Variants in N4BP2L2 observed in about 807,000 individuals in gnomAD.
N4BP2L2 encodes the protein NEDD4-binding protein 2-like 2.
In N4BP2L2, 50 loss-of-function variants were observed where a neutral mutation model predicts 56.2. The observed-to-expected ratio is 0.89, with a 90% CI of 0.71 to 1.13. N4BP2L2 has a LOEUF of 1.13. Ranked by LOEUF, N4BP2L2 falls within the 50% of genes most tolerant of loss-of-function variation. N4BP2L2 has a pLI of 0.00. For synonymous variants in N4BP2L2, 203 were observed against 223.6 expected, an observed-to-expected ratio of 0.91 and a Z score of 0.82; for missense variants, 689 against 693.8, an observed-to-expected ratio of 0.99 and a Z score of 0.08.
rs2138532541 is a variant in N4BP2L2 at position 32,453,417 on chromosome 13, G to A, written c.366-9291C>T. On this transcript the variant is annotated intron_variant, in intron 6 of 9. Coordinates refer to the N4BP2L2 transcript ENST00000357505. ...ACAGATCAAGGGTTTACAGCAACCGGGCAAAATGTTTAATCAAGAGAAAAA... is the reference window on the plus strand; with the variant it reads ...ACAGATCAAGGGTTTACAGCAACCGAGCAAAATGTTTAATCAAGAGAAAAA... Among the ~76,000 whole-genome samples the A allele has an allele frequency of 1.3e-5, 2 of 152,044 alleles. 1 individual carries two copies. Among genetic ancestry groups the A allele is most frequent in the South Asian group, 4.2e-4 (2 of 4,812 alleles).
chr13:32,450,636 GT>G (rs71071044), intron 6 of N4BP2L2, among the ~76,000 whole-genome samples: 108,566 of 147,920 alleles, frequency 0.73, 40,481 homozygotes, highest in African/African-American at 0.89. Flanking sequence ...TTTTGTTTTT[GT>G]TTTTTTTTTA....
intron 6 of N4BP2L2, among the ~76,000 whole-genome samples, chr13:32,455,653 C>A (rs73460533): frequency 0.011 from 1,622 of 152,318 alleles, 39 homozygotes; most frequent in African/African-American, 0.036. Context: ...CCCACTACAG[C>A]TGGTGCCTCA....
At chr13:32,480,565 T>C in intron 6 of N4BP2L2, 5 of 1,206,718 alleles carry the variant, frequency 4.1e-6, no homozygotes, top group Non-Finnish European at 5.5e-6. Context: ...ATCCATTATA[T>C]CATTACTTGG....
downstream of N4BP2L2, among the ~76,000 whole-genome samples, chr13:32,509,780 CA>C (rs2091482805): frequency 6.6e-6 from 1 of 152,066 alleles, no homozygotes; most frequent in African/African-American, 2.4e-5. Context: ...TTCATAAAAC[CA>C]ATGACATTTC....
At chr13:32,493,318 CTATT>C (rs1047309735) in intron 6 of N4BP2L2, among the ~76,000 whole-genome samples, 170 of 152,128 alleles carry the variant, frequency 1.1e-3, no homozygotes, top group African/African-American at 3.8e-3. Context: ...ATGCCTCTAT[CTATT>C]TGTGTATCAT....
chr13:32,532,793 G>T (rs1365685047), intron 2 of N4BP2L2, among the ~76,000 whole-genome samples: 1 of 151,228 alleles, frequency 6.6e-6, no homozygotes, highest in Non-Finnish European at 1.5e-5. Context: ...GTTTCACAAT[G>T]TTGGCCAGGA....
exon 6 of N4BP2L2, chr13:32,517,002 T>C (rs563325634): frequency 9.8e-5 from 95 of 969,976 alleles, no homozygotes; most frequent in African/African-American, 6.8e-4. Flanking sequence ...AGATATTCTA[T>C]AGTACAAATC....
At chr13:32,532,488 C>T (rs1264689333) in intron 2 of N4BP2L2, among the ~76,000 whole-genome samples, 5 of 151,972 alleles carry the variant, frequency 3.3e-5, no homozygotes. Flanking sequence ...TATCCTATTA[C>T]CATGTATTGA....
chr13:32,464,498 C>G (rs1409723403), intron 6 of N4BP2L2, among the ~76,000 whole-genome samples: 2 of 152,158 alleles, frequency 1.3e-5, no homozygotes, highest in African/African-American at 4.8e-5. Context: ...ACAGGAGAAG[C>G]CTCAACAGCA....
At chr13:32,491,637 T>TA (rs1566118543) in intron 6 of N4BP2L2, among the ~76,000 whole-genome samples, 189 of 77,934 alleles carry the variant, frequency 2.4e-3, no homozygotes, top group African/African-American at 4.5e-3. Context: ...ATATATATAT[T>TA]TTTTTTTTTT....
exon 6 of N4BP2L2, chr13:32,514,358 G>C (rs910944016): frequency 2.0e-5 from 3 of 151,820 alleles, no homozygotes; most frequent in African/African-American, 7.3e-5. Context: ...TAAACCTATG[G>C]AACAAACAAA....
intron 6 of N4BP2L2, among the ~76,000 whole-genome samples, chr13:32,458,545 T>C (rs998080498): frequency 1.3e-5 from 2 of 151,990 alleles, no homozygotes; most frequent in African/African-American, 4.8e-5. Flanking sequence ...ACAGAGAAGG[T>C]CATTATATAA....
chr13:32,526,818 G>GTTTTTTTTTCTTTTT (rs2053010876), intron 3 of N4BP2L2: 1 of 24,236 alleles, frequency 4.1e-5, no homozygotes, highest in Non-Finnish European at 7.9e-5. Flanking sequence ...CTTTTTGTCT[G>GTTTTTTTTTCTTTTT]TTTTTTTTTT....
chr13:32,477,952 T>G, intron 6 of N4BP2L2: 1 of 1,289,410 alleles, frequency 7.8e-7, no homozygotes. Flanking sequence ...CTTGCTGCTC[T>G]TGGTCATGTC....
At chr13:32,513,478 A>G (rs2048563089) in exon 6 of N4BP2L2, 1 of 152,226 alleles carries the variant, frequency 6.6e-6, no homozygotes, top group South Asian at 2.1e-4. Context: ...GATACCTTTT[A>G]AAAATAAAGA....
At chr13:32,533,004 T>C (rs1019412038) in intron 2 of N4BP2L2, among the ~76,000 whole-genome samples, 3 of 152,002 alleles carry the variant, frequency 2.0e-5, no homozygotes, top group African/African-American at 4.8e-5. Flanking sequence ...GGATTACAGG[T>C]GTAAGCCACC....
At chr13:32,517,203 C>T in exon 6 of N4BP2L2, 11 of 985,402 alleles carry the variant, frequency 1.1e-5, no homozygotes, top group Non-Finnish European at 1.3e-5. Context: ...GATGAATATG[C>T]ATATTATGAA....
intron 2 of N4BP2L2, 116 bp downstream of exon 2, chr13:32,535,653 C>G (rs1477959730): frequency 4.4e-6 from 5 of 1,136,182 alleles, no homozygotes; most frequent in African/African-American, 1.6e-5. Flanking sequence ...ACTGGTCCAC[C>G]CTGGCCTCCC....
At chr13:32,437,906 C>A (rs1490107489) in intron 8 of N4BP2L2, among the ~76,000 whole-genome samples, 2 of 152,168 alleles carry the variant, frequency 1.3e-5, no homozygotes, top group African/African-American at 4.8e-5. Context: ...CCACTCATCC[C>A]CATCCATATA....
Sources: allele counts gnomAD v4.1 joint callset (sites outside exome capture counted in the v4.1 genomes callset), GRCh38; gene constraint gnomAD v4.1.1; transcripts MANE v1.5; gene names NCBI Gene and HGNC (gene_info 2026-07-23, HGNC 2026-07-21).